POLR2B: variants seen among roughly 807,000 people sequenced by gnomAD.
POLR2B encodes the protein DNA-directed RNA polymerase II subunit RPB2.
In POLR2B, 57 loss-of-function variants were observed where a neutral mutation model predicts 144.6. The observed-to-expected ratio is 0.39, with a 90% CI of 0.32 to 0.49. POLR2B has a LOEUF of 0.49. Among genes scored for constraint, POLR2B ranks in the 20% least tolerant of loss-of-function variants. The pLI, the probability that POLR2B is intolerant of heterozygous loss-of-function variation, is 0.83. For synonymous variants in POLR2B, 442 were observed against 469.8 expected, an observed-to-expected ratio of 0.94 and a Z score of 0.77; for missense variants, 595 against 1,467.4, an observed-to-expected ratio of 0.41 and a Z score of 9.71.
chr4:57,013,626 C>T (rs4865169), intron 13 of POLR2B, among the ~76,000 whole-genome samples: 79,412 of 151,476 alleles, frequency 0.52, 21,038 homozygotes, highest in East Asian at 0.7. Context: ...CAGCCTCTAC[C>T]TCCTGGGCCC....
At chr4:57,027,034 A>G (rs543003321) in intron 23 of POLR2B, among the ~76,000 whole-genome samples, 1 of 152,092 alleles carries the variant, frequency 6.6e-6, no homozygotes, top group East Asian at 1.9e-4. Flanking sequence ...TTTGTGAGAC[A>G]GTCTCACTCT....
chr4:57,022,194 A>T lies in POLR2B; in HGVS notation c.2463A>T (p.Lys821Asn), dbSNP rs1723574620. The T allele has an allele frequency of 1.2e-6, 2 of 1,612,776 alleles. No homozygotes were observed. Among genetic ancestry groups the T allele is most frequent in the African/African-American group, 2.7e-5 (2 of 74,918 alleles). Reference sequence around the variant, plus strand: ...CATACAAAGAACAGGAGTCTAAAAAAGGATTTGATCAAGAAGAAGTTTTTG... The same window carrying T: ...CATACAAAGAACAGGAGTCTAAAAATGGATTTGATCAAGAAGAAGTTTTTG... Reference protein sequence around the residue: ...YRSYKEQESKKGFDQEEVFEK... With the variant: ...YRSYKEQESKNGFDQEEVFEK... Residue 821 changes from lysine to asparagine, a missense_variant, in exon 18 of 25, where the codon AAA becomes AAT. By Grantham distance (94) the Lys-to-Asn change is moderately conservative (BLOSUM62 0). Around this residue, in one of 9 missense-constraint regions of POLR2B, gnomAD observed 75 missense variants for 100.0 expected, o/e 0.75. Coordinates refer to ENST00000314595, the MANE Select transcript of POLR2B (RefSeq NM_000938.3).
At chr4:57,006,734 C>T in intron 9 of POLR2B, 82 bp from the exon 10 acceptor site, 4 of 1,164,040 alleles carry the variant, frequency 3.4e-6, no homozygotes, top group South Asian at 3.1e-5. Context: ...CTTCCCCACG[C>T]TTTTTTTTGC....
At chr4:56,979,116 C>G (rs944443388) in intron 1 of POLR2B, 112 bp downstream of exon 1, 2 of 1,114,368 alleles carry the variant, frequency 1.8e-6, no homozygotes, top group East Asian at 4.7e-5. Context: ...GCACAGTCCC[C>G]AGCCTTGTTC....
At chr4:57,005,127 C>A in intron 7 of POLR2B, 119 bp from the exon 8 acceptor site, 1 of 516,490 alleles carries the variant, frequency 1.9e-6, no homozygotes, top group Non-Finnish European at 3.3e-6. Context: ...TCTAAAAATA[C>A]TCACATATTT....
chr4:57,008,527 C>G (rs546729720), intron 10 of POLR2B, among the ~76,000 whole-genome samples: 1 of 152,164 alleles, frequency 6.6e-6, no homozygotes, highest in Non-Finnish European at 1.5e-5. Flanking sequence ...TTATTGGGAC[C>G]TGTGATGTGC....
intron 2 of POLR2B, among the ~76,000 whole-genome samples, chr4:56,987,307 G>T (rs1454523471): frequency 6.6e-6 from 1 of 152,134 alleles, no homozygotes; most frequent in East Asian, 1.9e-4. Context: ...GTAACTAAAT[G>T]TAATAAAATT....
chr4:56,995,643 C>G lies in POLR2B; in HGVS notation c.735+234C>G, dbSNP rs192122310. On this transcript the variant is annotated intron_variant, in intron 6 of 24. Transcript: ENST00000314595. The stretch of plus-strand genomic sequence containing the variant: ...AGCTGGGTCTTTTGGCCAAGCAACT[C>G]TCACAAGGCTGCAATCAGATGTTTC... 2.6e-5 allele frequency among the ~76,000 whole-genome samples: 4 copies of G among 152,350 alleles called. 1 individual carries two copies. Among genetic ancestry groups the G allele is most frequent in the Admixed American group, 2.6e-4 (4 of 15,298 alleles).
In POLR2B at chr4:56,990,794, T is replaced by C; in HGVS notation, c.139T>C (p.Phe47Leu). Residue 47 changes from phenylalanine (F) to leucine (L), a missense_variant, in exon 3 of 25, where the codon TTT becomes CTT. Physicochemically the swap from Phe to Leu is conservative, Grantham distance 22. Coordinates refer to ENST00000314595, the MANE Select transcript of POLR2B (RefSeq NM_000938.3). ...CTTGGTTAGACAACAGCTGGATTCT[T>C]TTGATGAGTTTATTCAGATGTCTGT... The part of the protein sequence containing the change: ...KGLVRQQLDS[F>L]DEFIQMSVQR... The C allele has an allele frequency of 6.2e-7, 1 of 1,613,594 alleles. No individual in the cohort carries two copies. The highest frequency in any genetic ancestry group is 8.5e-7 in the Non-Finnish European group (1 of 1,179,692).
chr4:56,999,270 G>T (rs1722783308), intron 6 of POLR2B, among the ~76,000 whole-genome samples: 1 of 147,696 alleles, frequency 6.8e-6, no homozygotes, highest in African/African-American at 2.5e-5. Flanking sequence ...TTAATTTTTT[G>T]GAGGGGGGAT....
intron 18 of POLR2B, among the ~76,000 whole-genome samples, chr4:57,022,751 C>G (rs1438056441): frequency 6.6e-6 from 1 of 152,170 alleles, no homozygotes; most frequent in Non-Finnish European, 1.5e-5. Context: ...TGGGATGTTC[C>G]AGGGAAATGC....
intron 1 of POLR2B, 94 bp downstream of exon 1, chr4:56,979,098 C>T: frequency 4.6e-6 from 6 of 1,301,738 alleles, no homozygotes; most frequent in Non-Finnish European, 6.7e-6. Flanking sequence ...CCTTCCCATG[C>T]GCCGGCTGCA....
intron 13 of POLR2B, 107 bp downstream of exon 13, chr4:57,011,207 C>T (rs991531095): frequency 2.7e-6 from 2 of 743,966 alleles, no homozygotes; most frequent in East Asian, 2.6e-5. Flanking sequence ...ACTTTATTCC[C>T]TTGAACTGTA....
chr4:56,987,286 C>A (rs1560470980), intron 2 of POLR2B, among the ~76,000 whole-genome samples: 1 of 152,066 alleles, frequency 6.6e-6, no homozygotes, highest in Non-Finnish European at 1.5e-5. Context: ...AATTCCCATC[C>A]AATTCTAAGT....
chr4:57,013,906 A>G (rs1723280741), intron 13 of POLR2B, among the ~76,000 whole-genome samples: 1 of 151,290 alleles, frequency 6.6e-6, no homozygotes, highest in Admixed American at 6.6e-5. Flanking sequence ...CTAGGAATTT[A>G]GGACCAACCA....
intron 7 of POLR2B, among the ~76,000 whole-genome samples, chr4:57,002,435 A>G (rs1722882931): frequency 6.6e-6 from 1 of 152,144 alleles, no homozygotes; most frequent in Non-Finnish European, 1.5e-5. Flanking sequence ...GCTTAAGCCA[A>G]TTTTTACAAG....
chr4:57,022,239 A>T lies in POLR2B; in HGVS notation c.2508A>T (p.Thr836=). 7 of 1,592,268 alleles carry T rather than the reference A, an allele frequency of 4.4e-6. No individual in the cohort carries two copies. The highest frequency in any genetic ancestry group is 6.0e-6 in the Non-Finnish European group (7 of 1,161,030). ...EEVFEKPTRE[T]CQGMRHAIYD... is the part of the protein sequence containing the mutation. ...TTTTTGAGAAGCCTACACGTGAAAC[A>T]TGCCAGGGTAAGTGACACTAACATT... Residue 836 remains threonine (T), a synonymous_variant, in exon 18 of 25, where the codon ACA becomes ACT. Transcript: ENST00000314595.
Position 57,020,066 on chromosome 4 carries a change from G to T in POLR2B, c.2324-833G>T, listed in dbSNP as rs116129517. Among the ~76,000 whole-genome samples the T allele has an allele frequency of 3.6e-3, 550 of 152,152 alleles. 2 individuals carry two copies. Among genetic ancestry groups the T allele is most frequent in the Non-Finnish European group, 5.5e-3 (377 of 67,994 alleles). ...TTTTATTTTTTTGAGACGGATTCTCGCTCTGCCACCAGGCTGGAGTGCAGT... is the reference window on the plus strand; with the variant it reads ...TTTTATTTTTTTGAGACGGATTCTCTCTCTGCCACCAGGCTGGAGTGCAGT... On this transcript the variant is annotated intron_variant, in intron 16 of 24. Coordinates refer to ENST00000314595, the MANE Select transcript of POLR2B (RefSeq NM_000938.3).
chr4:57,028,189 AAAG>A (rs1184519187), intron 23 of POLR2B, among the ~76,000 whole-genome samples: 13 of 152,214 alleles, frequency 8.5e-5, no homozygotes, highest in Non-Finnish European at 1.9e-4. Flanking sequence ...TTTGAGTAAA[AAAG>A]ATACTCCATG....
Sources: gnomAD v4.1 joint callset for allele counts (sites outside exome capture counted in the v4.1 genomes callset) on GRCh38, gnomAD v4.1.1 for gene constraint, gnomAD v4.1.1 regional missense constraint, MANE v1.5 for transcripts, NCBI Gene and HGNC (gene_info 2026-07-23, HGNC 2026-07-21) for gene names.